AAK1: variants seen among roughly 807,000 people sequenced by gnomAD.
The protein encoded by AAK1 is AP2 associated kinase 1, also known as AP2-associated protein kinase 1.
In AAK1, 37 loss-of-function variants were observed where a neutral mutation model predicts 116.0. That is an observed-to-expected ratio of 0.32 (90% CI 0.25 to 0.42). The LOEUF (loss-of-function observed/expected upper bound fraction) is 0.42, where lower values mean the gene tolerates loss of function less well. Among genes scored for constraint, AAK1 ranks in the 10% least tolerant of loss-of-function variants. The pLI is 1.00. For missense variants in AAK1, 919 were observed against 1,170.6 expected (o/e 0.79, Z 3.14); for synonymous variants, 458 against 439.9 (o/e 1.04, Z -0.51).
intron 16 of AAK1, among the ~76,000 whole-genome samples, chr2:69,499,206 A>G (rs1675873938): frequency 6.6e-6 from 1 of 152,136 alleles, no homozygotes; most frequent in African/African-American, 2.4e-5. Context: ...CTGACACACT[A>G]CTAACCCCAC....
chr2:69,492,917 T>C (rs896898196), intron 17 of AAK1, among the ~76,000 whole-genome samples: 5 of 151,906 alleles, frequency 3.3e-5, no homozygotes, highest in Admixed American at 3.3e-4. Flanking sequence ...CTGGTGTCCA[T>C]AGTGGGCTGG....
At chr2:69,505,135 C>CACA (rs1558917346) in intron 16 of AAK1, among the ~76,000 whole-genome samples, 19 of 139,738 alleles carry the variant, frequency 1.4e-4, no homozygotes, top group African/African-American at 5.7e-4. Context: ...GCACACACAC[C>CACA]CACACACACA....
intron 2 of AAK1, among the ~76,000 whole-genome samples, chr2:69,587,254 T>C (rs1672808854): frequency 6.6e-6 from 1 of 151,386 alleles, no homozygotes; most frequent in South Asian, 2.1e-4. Context: ...TCAGCTTATA[T>C]ATATATACAC....
At chr2:69,642,235 G>C (rs986939405) in intron 2 of AAK1, among the ~76,000 whole-genome samples, 1 of 152,020 alleles carries the variant, frequency 6.6e-6, no homozygotes, top group Non-Finnish European at 1.5e-5. Context: ...AAAACCTAAA[G>C]CGAGAAGGAA....
chr2:69,534,099 TGCCAG>T (rs1481658565), intron 5 of AAK1, among the ~76,000 whole-genome samples: 4 of 152,242 alleles, frequency 2.6e-5, no homozygotes, highest in Non-Finnish European at 5.9e-5. Flanking sequence ...GCTTTATTAT[TGCCAG>T]TACTACTGTA....
chr2:69,594,109 G>A (rs1158540888), intron 2 of AAK1, among the ~76,000 whole-genome samples: 3 of 152,228 alleles, frequency 2.0e-5, no homozygotes, highest in Non-Finnish European at 2.9e-5. Context: ...ATCCGCTTTT[G>A]TGAGCAATTT....
chr2:69,612,145 T>C (rs1559002350), intron 2 of AAK1, among the ~76,000 whole-genome samples: 1 of 152,142 alleles, frequency 6.6e-6, no homozygotes, highest in African/African-American at 2.4e-5. Context: ...TAAAGTATAA[T>C]AAAAAAAGTT....
intron 2 of AAK1, among the ~76,000 whole-genome samples, chr2:69,640,633 C>G (rs545366198): frequency 3.3e-5 from 5 of 152,298 alleles, no homozygotes; most frequent in Admixed American, 3.3e-4. Flanking sequence ...TATACTGGCT[C>G]CTACATATCT....
chr2:69,475,973 G>C lies in AAK1; in HGVS notation c.2792-10C>G. On this transcript the variant is annotated splice_polypyrimidine_tract_variant and intron_variant, in intron 21 of 21. Transcript: ENST00000409085. ...TTTCTAGAGTGCCCACCTGGAAGTG[G>C]AGAGATAGGAATTCAGTACAAAACA... The C allele has an allele frequency of 6.2e-7, 1 of 1,607,908 alleles. No individual in the cohort carries two copies. The highest frequency in any genetic ancestry group is 1.1e-5 in the South Asian group (1 of 89,762).
At chr2:69,623,346 T>A (rs1215029682) in intron 2 of AAK1, among the ~76,000 whole-genome samples, 1 of 152,184 alleles carries the variant, frequency 6.6e-6, no homozygotes, top group African/African-American at 2.4e-5. Context: ...TGCCAAAATA[T>A]TCCTAGTCTG....
At chr2:69,617,834 T>C (rs1479726762) in intron 2 of AAK1, among the ~76,000 whole-genome samples, 1 of 152,214 alleles carries the variant, frequency 6.6e-6, no homozygotes, top group Non-Finnish European at 1.5e-5. Context: ...CTATTTTGGT[T>C]TGTTAACACC....
chr2:69,487,595 C>A (rs892814365), intron 17 of AAK1, among the ~76,000 whole-genome samples: 1 of 152,070 alleles, frequency 6.6e-6, no homozygotes, highest in African/African-American at 2.4e-5. Flanking sequence ...CAGTTCATAC[C>A]TGAAATGTAC....
At chr2:69,535,787 A>C (rs1670443277) in intron 5 of AAK1, among the ~76,000 whole-genome samples, 1 of 152,162 alleles carries the variant, frequency 6.6e-6, no homozygotes, top group Non-Finnish European at 1.5e-5. Flanking sequence ...CCAGTACTGC[A>C]AAGAAAGCTG....
chr2:69,471,955 T>C lies in AAK1; in HGVS notation c.*3914A>G, dbSNP rs1674696848. Reference sequence around the variant, plus strand: ...GTAGTTCGTTTCTTGGGTTTGTTTTTCCACAAGTATTAGCAATCCAAGTTG... The same window carrying C: ...GTAGTTCGTTTCTTGGGTTTGTTTTCCCACAAGTATTAGCAATCCAAGTTG... On this transcript the variant is annotated 3_prime_UTR_variant, in exon 22 of 22. Transcript: ENST00000409085. The C allele has an allele frequency of 1.0e-6, 1 of 985,324 alleles. No individual in the cohort carries two copies. Among genetic ancestry groups the C allele is most frequent in the South Asian group, 4.7e-5 (1 of 21,290 alleles). The allele number at this position is 985,324 out of a possible 1,614,324, so 61.0% of individuals were successfully genotyped here.
Position 69,469,324 on chromosome 2 carries a change from G to A in AAK1, c.*6545C>T, listed in dbSNP as rs1466061442. ...GCAGCACCAGAAACAAGGTAGTCGAGAGAAGGATAAATTCCAAATATACTA... is the reference window on the plus strand; with the variant it reads ...GCAGCACCAGAAACAAGGTAGTCGAAAGAAGGATAAATTCCAAATATACTA... On this transcript the variant is annotated 3_prime_UTR_variant, in exon 22 of 22. Coordinates refer to ENST00000409085, the MANE Select transcript of AAK1 (RefSeq NM_014911.5). 1 of 985,328 alleles carries A rather than the reference G, an allele frequency of 1.0e-6. No homozygotes were observed. Among genetic ancestry groups the A allele is most frequent in the Non-Finnish European group, 1.2e-6 (1 of 829,948 alleles). 61.0% of individuals were successfully genotyped at this position (985,328 alleles called of 1,614,324 possible).
chr2:69,520,850 G>T lies in AAK1; in HGVS notation c.1194C>A (p.Pro398=). The T allele has an allele frequency of 6.4e-7, 1 of 1,572,464 alleles. No homozygotes were observed. Among genetic ancestry groups the T allele is most frequent in the Non-Finnish European group, 8.6e-7 (1 of 1,163,198 alleles). Residue 398 remains proline, a synonymous_variant, in exon 11 of 22, where the codon CCC becomes CCA. Transcript: ENST00000409085. The part of the protein sequence containing the change: ...LTPRKRATVQ[P]PPQAAGSSNQ... ...GATACAAACCTGCAGCCTGAGGTGG[G>T]GGCTGAACAGTGGCCCTCTTCCGGG...
In AAK1 at chr2:69,471,337, A is replaced by G; in HGVS notation, c.*4532T>C. 1 of 985,450 alleles carries G rather than the reference A, an allele frequency of 1.0e-6. No homozygotes were observed. Among genetic ancestry groups the G allele is most frequent in the Non-Finnish European group, 1.2e-6 (1 of 829,938 alleles). The allele number at this position is 985,450 out of a possible 1,614,324, so 61.0% of individuals were successfully genotyped here. A position where few individuals can be genotyped will look rare whatever the true frequency, so the allele number is the denominator to read the frequency against. ...AAGCAAAAGAGGTTTCTTGTTATAG[A>G]TTTCCTAGCACTCATTCTGATTTAA... On this transcript the variant is annotated 3_prime_UTR_variant, in exon 22 of 22. Coordinates refer to ENST00000409085, the MANE Select transcript of AAK1 (RefSeq NM_014911.5).
chr2:69,536,734 C>T (rs1670489472), intron 5 of AAK1, among the ~76,000 whole-genome samples: 1 of 152,188 alleles, frequency 6.6e-6, no homozygotes, highest in South Asian at 2.1e-4. Flanking sequence ...ATCTAAGAGG[C>T]TACCTCCTAC....
At chr2:69,559,820 T>C (rs1398291051) in intron 2 of AAK1, among the ~76,000 whole-genome samples, 1 of 152,204 alleles carries the variant, frequency 6.6e-6, no homozygotes, top group Admixed American at 6.5e-5. Context: ...ATGATGCCTG[T>C]CACTGCTGAA....
Sources: gnomAD v4.1 joint callset for allele counts (sites outside exome capture counted in the v4.1 genomes callset) on GRCh38, gnomAD v4.1.1 for gene constraint, MANE v1.5 for transcripts, NCBI Gene and HGNC (gene_info 2026-07-23, HGNC 2026-07-21) for gene names.